CSMD2: variants seen among roughly 807,000 people sequenced by gnomAD.
The protein encoded by CSMD2 is CUB and Sushi multiple domains 2, also known as CUB and sushi domain-containing protein 2.
In CSMD2, 130 loss-of-function variants were observed where a neutral mutation model predicts 398.5. The ratio of observed to expected loss-of-function variants is 0.33; its 90% CI spans 0.28 to 0.38. CSMD2 has a LOEUF of 0.38. Among genes scored for constraint, CSMD2 ranks in the 10% least tolerant of loss-of-function variants. The pLI, the probability that CSMD2 is intolerant of heterozygous loss-of-function variation, is 1.00. For missense variants in CSMD2, 3,829 were observed against 4,764.9 expected, an observed-to-expected ratio of 0.80 and a Z score of 5.78; for synonymous variants, 1,828 against 1,908.5, an observed-to-expected ratio of 0.96 and a Z score of 1.10.
At chr1:34,026,562 G>A (rs946385213) in intron 3 of CSMD2, among the ~76,000 whole-genome samples, 2 of 152,232 alleles carry the variant, frequency 1.3e-5, no homozygotes, top group African/African-American at 4.8e-5. Flanking sequence ...AAGTGTCAGA[G>A]TGCACGAGAT....
intron 1 of CSMD2, among the ~76,000 whole-genome samples, chr1:34,093,727 G>A (rs1658931483): frequency 6.6e-6 from 1 of 151,816 alleles, no homozygotes; most frequent in Non-Finnish European, 1.5e-5. Context: ...AAAAAGAAAT[G>A]AGCAAAGCCT....
intron 3 of CSMD2, among the ~76,000 whole-genome samples, chr1:33,947,200 C>T (rs1007799523): frequency 2.0e-5 from 3 of 152,198 alleles, no homozygotes; most frequent in Non-Finnish European, 4.4e-5. Context: ...TGGAAGGTTA[C>T]TCTATCCCTT....
chr1:33,837,704 C>T (rs1460247986), intron 6 of CSMD2, among the ~76,000 whole-genome samples: 1 of 152,224 alleles, frequency 6.6e-6, no homozygotes, highest in Non-Finnish European at 1.5e-5. Flanking sequence ...AAGTCATACA[C>T]ATCATACATA....
intron 49 of CSMD2, among the ~76,000 whole-genome samples, chr1:33,574,207 T>C (rs1002306050): frequency 3.3e-5 from 5 of 151,910 alleles, no homozygotes; most frequent in Admixed American, 6.5e-5. Flanking sequence ...GGACAATATA[T>C]GAGATATGAA....
chr1:33,842,853 G>A (rs1181641117), intron 6 of CSMD2, among the ~76,000 whole-genome samples: 1 of 152,238 alleles, frequency 6.6e-6, no homozygotes, highest in Non-Finnish European at 1.5e-5. Context: ...GATTTGGTCT[G>A]TGACTGCTGC....
intron 13 of CSMD2, among the ~76,000 whole-genome samples, chr1:33,746,676 A>G (rs1365624726): frequency 6.6e-6 from 1 of 152,206 alleles, no homozygotes; most frequent in African/African-American, 2.4e-5. Flanking sequence ...CAGATCTTCC[A>G]TGACAGCAGA....
At chr1:33,951,745 C>T (rs958874632) in intron 3 of CSMD2, among the ~76,000 whole-genome samples, 6 of 152,200 alleles carry the variant, frequency 3.9e-5, no homozygotes, top group African/African-American at 1.4e-4. Context: ...CATTTAATGT[C>T]CTACACAATC....
intron 44 of CSMD2, chr1:33,600,444 A>G (rs1167074424): frequency 5.5e-6 from 3 of 548,554 alleles, no homozygotes; most frequent in Non-Finnish European, 9.6e-6. Context: ...CAAAATCACA[A>G]TATCTTCATT....
chr1:33,979,585 T>C (rs1368291584), intron 3 of CSMD2, among the ~76,000 whole-genome samples: 1 of 152,214 alleles, frequency 6.6e-6, no homozygotes, highest in Non-Finnish European at 1.5e-5. Context: ...AGACCCTTTC[T>C]GGCTTTGTGC....
intron 3 of CSMD2, among the ~76,000 whole-genome samples, chr1:33,941,566 G>C (rs971079025): frequency 1.3e-4 from 20 of 152,220 alleles, no homozygotes; most frequent in Non-Finnish European, 1.8e-4. Flanking sequence ...TCTGGGGGCA[G>C]TGGGCAGGAT....
At chr1:34,031,769 A>T (rs1570882036) in intron 3 of CSMD2, among the ~76,000 whole-genome samples, 1 of 99,228 alleles carries the variant, frequency 1.0e-5, no homozygotes, top group South Asian at 6.0e-4. Context: ...CAAAGGCAAA[A>T]AAAAAAAAAA....
intron 5 of CSMD2, among the ~76,000 whole-genome samples, chr1:33,902,614 C>CT (rs971214174): frequency 6.6e-6 from 1 of 152,126 alleles, no homozygotes; most frequent in African/African-American, 2.4e-5. Flanking sequence ...ATCCCTGCAC[C>CT]TTTTTTTCTG....
intron 19 of CSMD2, among the ~76,000 whole-genome samples, chr1:33,722,527 G>C (rs1378068690): frequency 6.6e-6 from 1 of 152,120 alleles, no homozygotes; most frequent in Non-Finnish European, 1.5e-5. Context: ...TATTAATGAG[G>C]TCCATGATTT....
Position 33,586,663 on chromosome 1 carries a change from C to A in CSMD2, c.6938-46G>T. ...TGTAGACCCTCTTAAGAAGTCCAGT[C>A]ATTAGTACCTTGAACCCACTTCCAG... is the stretch of plus-strand genomic sequence containing the variant. On this transcript the variant is annotated intron_variant, in intron 45 of 70. Coordinates refer to ENST00000373381, the MANE Select transcript of CSMD2 (RefSeq NM_001281956.2). 3.1e-6 allele frequency: 4 copies of A among 1,270,950 alleles called. No individual in the cohort carries two copies. In the South Asian group the frequency reaches 4.8e-5, roughly 15 times the overall value. The allele number at this position is 1,270,950 out of a possible 1,614,324, so 78.7% of individuals were successfully genotyped here. A position where few individuals can be genotyped will look rare whatever the true frequency, so the allele number is the denominator to read the frequency against.
At chr1:34,061,737 C>T (rs945167028) in intron 2 of CSMD2, among the ~76,000 whole-genome samples, 2 of 152,180 alleles carry the variant, frequency 1.3e-5, no homozygotes, top group Non-Finnish European at 2.9e-5. Flanking sequence ...AATATTATTA[C>T]TCAGATGAGT....
intron 47 of CSMD2, among the ~76,000 whole-genome samples, chr1:33,581,293 A>G (rs137889036): frequency 6.8e-6 from 1 of 146,134 alleles, no homozygotes; most frequent in East Asian, 2.1e-4. Flanking sequence ...AAGGTGAGGC[A>G]GGTGGATCAC....
intron 26 of CSMD2, among the ~76,000 whole-genome samples, chr1:33,662,045 T>C (rs1644154184): frequency 6.6e-6 from 1 of 152,000 alleles, no homozygotes; most frequent in Non-Finnish European, 1.5e-5. Context: ...GGAGGAATGA[T>C]GGAAGAGGCA....
intron 23 of CSMD2, among the ~76,000 whole-genome samples, chr1:33,700,189 A>G (rs1645563003): frequency 6.6e-6 from 1 of 152,000 alleles, no homozygotes; most frequent in Admixed American, 6.6e-5. Context: ...TTGTAGTTTT[A>G]GTAGAGATGG....
At chr1:33,776,017 G>A (rs1651916919) in intron 12 of CSMD2, among the ~76,000 whole-genome samples, 3 of 152,202 alleles carry the variant, frequency 2.0e-5, no homozygotes, top group African/African-American at 7.2e-5. Flanking sequence ...AGGATTGTGT[G>A]TACTGATGGG....
Sources: gnomAD v4.1 joint callset for allele counts (sites outside exome capture counted in the v4.1 genomes callset) on GRCh38, gnomAD v4.1.1 for gene constraint, MANE v1.5 for transcripts, NCBI Gene and HGNC (gene_info 2026-07-23, HGNC 2026-07-21) for gene names.